The following EDEM2 variants were observed in gnomAD, a reference collection of about 807,000 sequenced individuals.
EDEM2 encodes the protein ER degradation enhancing alpha-mannosidase like protein 2, also known as ER degradation-enhancing alpha-mannosidase-like protein 2.
A neutral mutation model predicts 64.8 loss-of-function variants in EDEM2; 39 were observed. The ratio of observed to expected loss-of-function variants is 0.60; its 90% confidence interval spans 0.47 to 0.79. The LOEUF is 0.79. Among genes scored for constraint, EDEM2 ranks in the 30% least tolerant of loss-of-function variants. The pLI is 0.00. For missense variants in EDEM2, 609 were observed against 731.3 expected (o/e 0.83, Z 1.93); for synonymous variants, 296 against 291.5 (o/e 1.02, Z -0.16).
At chr20:35,127,258 G>A (rs981474440) in intron 7 of EDEM2, among the ~76,000 whole-genome samples, 2 of 152,160 alleles carry the variant, frequency 1.3e-5, no homozygotes, top group Non-Finnish European at 2.9e-5. Flanking sequence ...ACCCAGTCTT[G>A]AGTACGTCTT....
At chr20:35,136,900 T>C (rs1032448834) in intron 5 of EDEM2, among the ~76,000 whole-genome samples, 2 of 152,072 alleles carry the variant, frequency 1.3e-5, no homozygotes, top group South Asian at 2.1e-4. Context: ...CAGTGTACAG[T>C]TGATGCTACT....
chr20:35,122,000 G>A (rs2085375458), intron 9 of EDEM2, among the ~76,000 whole-genome samples: 1 of 152,084 alleles, frequency 6.6e-6, no homozygotes, highest in Non-Finnish European at 1.5e-5. Flanking sequence ...TGTTGCCCAG[G>A]CTGATCTTGA....
chr20:35,134,200 T>C, intron 6 of EDEM2: 1 of 452,204 alleles, frequency 2.2e-6, no homozygotes, highest in South Asian at 1.6e-5. Flanking sequence ...GTTTGGGAAA[T>C]GTTAAATTAA....
At chr20:35,133,627 C>A (rs181365769) in intron 6 of EDEM2, among the ~76,000 whole-genome samples, 34 of 152,058 alleles carry the variant, frequency 2.2e-4, no homozygotes, top group Middle Eastern at 6.8e-3. Context: ...CCACCACGCC[C>A]GGCTAATTTT....
At chr20:35,118,503 T>G (rs1239625506) in intron 10 of EDEM2, 95 bp downstream of exon 10, 2 of 1,578,650 alleles carry the variant, frequency 1.3e-6, no homozygotes, top group East Asian at 4.5e-5. Context: ...CTTCTAGTGC[T>G]GATATGTCAG....
chr20:35,128,628 T>C (rs1436316896), intron 7 of EDEM2, among the ~76,000 whole-genome samples: 2 of 149,790 alleles, frequency 1.3e-5, no homozygotes, highest in Non-Finnish European at 3.0e-5. Flanking sequence ...GAAGGCATTG[T>C]TATCAATCAT....
chr20:35,120,605 T>C (rs1422702358), intron 9 of EDEM2, among the ~76,000 whole-genome samples: 2 of 148,860 alleles, frequency 1.3e-5, no homozygotes, highest in Non-Finnish European at 3.0e-5. Flanking sequence ...TTTTTTTTTT[T>C]TTTTTTTTTT....
In EDEM2 at chr20:35,123,975, C is replaced by A. The variant is rs141941215; in HGVS notation, c.1029G>T (p.Trp343Cys). Residue 343 changes from tryptophan to cysteine, a missense_variant, in exon 9 of 11, where the codon TGG becomes TGT. Trp to Cys is a radical substitution (Grantham distance 215, BLOSUM62 -2). Coordinates refer to ENST00000374492, the MANE Select transcript of EDEM2 (RefSeq NM_018217.3). The part of the protein sequence containing the change: ...MRTFLNYYTV[W>C]KQFGGLPEFY... ...ATTCCGGGAGCCCCCCAAACTGCTT[C>A]CATACAGTGTAGTAGTTGAGGAAGG... 8.7e-6 allele frequency: 14 copies of A among 1,614,078 alleles called. No homozygotes were observed. In the African/African-American group the frequency reaches 1.7e-4, roughly 20 times the overall value.
At chr20:35,141,490 A>G (rs2085653171) in intron 4 of EDEM2, among the ~76,000 whole-genome samples, 1 of 152,192 alleles carries the variant, frequency 6.6e-6, no homozygotes, top group South Asian at 2.1e-4. Flanking sequence ...GGATTCCTAA[A>G]CCAGGATTTT....
chr20:35,147,269 T>C lies in EDEM2; in HGVS notation c.-11A>G, dbSNP rs772569022. ...CAGCCGGAAAGGCATAGAGCTCGTG[T>C]CCTCTCAGCGCCCCCGCAGCAGCAG... On this transcript the variant is annotated 5_prime_UTR_variant, in exon 1 of 11. Transcript: ENST00000374492. 2.0e-5 allele frequency: 31 copies of C among 1,526,204 alleles called. No individual in the cohort carries two copies. In the South Asian group the frequency reaches 3.6e-4, roughly 18 times the overall value. The allele number at this position is 1,526,204 out of a possible 1,614,324, so 94.5% of individuals were successfully genotyped here.
chr20:35,138,890 G>A (rs1016666542), intron 4 of EDEM2, among the ~76,000 whole-genome samples: 6 of 152,018 alleles, frequency 3.9e-5, no homozygotes, highest in African/African-American at 1.4e-4. Flanking sequence ...GGCCTACTTA[G>A]AACTTTTAAA....
chr20:35,118,723 CA>C lies in EDEM2; in HGVS notation c.1115-5del, dbSNP rs777614508. 1.4e-5 allele frequency: 22 copies of C among 1,611,906 alleles called. No individual in the cohort carries two copies. The African/African-American group carries it at 2.0e-4, about 15-fold the overall frequency. Reference sequence around the variant, plus strand: ...TACATTGCGCTTTCAATAAGTTCTGCAAAGTCCAAAGCAGACCCTCCTCACT... The same window carrying C: ...TACATTGCGCTTTCAATAAGTTCTGCAAGTCCAAAGCAGACCCTCCTCACT... On this transcript the variant is annotated splice_region_variant and splice_polypyrimidine_tract_variant and intron_variant, in intron 9 of 10. Coordinates refer to ENST00000374492, the MANE Select transcript of EDEM2 (RefSeq NM_018217.3).
chr20:35,134,613 G>A (rs1034926745), intron 6 of EDEM2, 125 bp downstream of exon 6: 66 of 1,094,178 alleles, frequency 6.0e-5, no homozygotes, highest in African/African-American at 1.6e-5. Flanking sequence ...TTGGTGTCCT[G>A]AGCCCAAATC....
At chr20:35,127,859 T>C (rs1406826813) in intron 7 of EDEM2, among the ~76,000 whole-genome samples, 1 of 152,202 alleles carries the variant, frequency 6.6e-6, no homozygotes, top group Non-Finnish European at 1.5e-5. Flanking sequence ...TATAAAATTA[T>C]AATAGAGGTG....
rs139566342 is a variant in EDEM2, at chr20:35,131,736, G to C, written c.750C>G (p.Asp250Glu). The stretch of plus-strand genomic sequence containing the variant: ...AGTCCACGCCAGCCCCGATGCCTGC[G>C]TCCTGGGCCACCCACTTGCCAGTGA... ...DVLTGKWVAQ[D>E]AGIGAGVDSY... The change falls in exon 7 of 11, where the codon GAC (aspartate) becomes GAG (glutamate). Residue 250 changes from aspartate (D) to glutamate (E), a missense_variant. Coordinates refer to ENST00000374492, the MANE Select transcript of EDEM2 (RefSeq NM_018217.3). The C allele has an allele frequency of 6.2e-7, 1 of 1,613,960 alleles. No individual in the cohort carries two copies. The highest frequency in any genetic ancestry group is 1.7e-5 in the Admixed American group (1 of 59,992).
intron 7 of EDEM2, among the ~76,000 whole-genome samples, chr20:35,131,398 A>C (rs1202590952): frequency 6.6e-6 from 1 of 152,084 alleles, no homozygotes; most frequent in Non-Finnish European, 1.5e-5. Context: ...TAAAAATACA[A>C]AAATTAGCTG....
At chr20:35,145,562 T>C (rs1301312403) in intron 2 of EDEM2, among the ~76,000 whole-genome samples, 6 of 152,342 alleles carry the variant, frequency 3.9e-5, no homozygotes, top group Middle Eastern at 3.4e-3. Context: ...TGGTTTAGTA[T>C]GTTTCCATCT....
At chr20:35,138,124 C>T (rs1476455099) in intron 4 of EDEM2, 119 bp from the exon 5 acceptor site, 5 of 1,332,574 alleles carry the variant, frequency 3.8e-6, no homozygotes, top group South Asian at 2.9e-5. Context: ...GTTCTCAGGA[C>T]CTCCTGAAGC....
intron 2 of EDEM2, among the ~76,000 whole-genome samples, chr20:35,145,588 G>T (rs1429764343): frequency 6.6e-6 from 1 of 152,198 alleles, no homozygotes; most frequent in Non-Finnish European, 1.5e-5. Context: ...AAAAAGACAT[G>T]CTGACAGAAA....
Sources: gnomAD v4.1 joint callset for allele counts (sites outside exome capture counted in the v4.1 genomes callset) on GRCh38, gnomAD v4.1.1 for gene constraint, MANE v1.5 for transcripts, NCBI Gene and HGNC (gene_info 2026-07-23, HGNC 2026-07-21) for gene names.